The following PTPRN2 variants were observed in gnomAD, a reference collection of about 807,000 sequenced individuals.
PTPRN2 encodes protein tyrosine phosphatase receptor type N2, also known as receptor-type tyrosine-protein phosphatase N2.
Under a neutral mutation model 118.8 loss-of-function variants are expected in PTPRN2, and 74 were observed. That is an observed-to-expected ratio of 0.62 (90% CI 0.52 to 0.76). The LOEUF (loss-of-function observed/expected upper bound fraction) is 0.76, where lower values mean the gene tolerates loss of function less well. PTPRN2 is among the 30% of genes least tolerant of loss of function. PTPRN2 has a pLI of 0.00. For synonymous variants in PTPRN2, 641 were observed against 608.0 expected (o/e 1.05, Z -0.80); for missense variants, 1,481 against 1,394.4 (o/e 1.06, Z -0.99).
intron 12 of PTPRN2, among the ~76,000 whole-genome samples, chr7:157,692,483 TATG>T (rs537642491): frequency 6.6e-6 from 1 of 152,224 alleles, no homozygotes; most frequent in African/African-American, 2.4e-5. Flanking sequence ...TGTCCACAGA[TATG>T]AGTACGGTGC....
intron 12 of PTPRN2, chr7:157,857,424 C>G (rs915493671): frequency 3.9e-5 from 6 of 152,222 alleles, no homozygotes; most frequent in African/African-American, 1.4e-4. Context: ...CTCTGCGCTC[C>G]TCTCTCTCCG....
chr7:157,914,158 T>G (rs568296125), intron 11 of PTPRN2, among the ~76,000 whole-genome samples: 1 of 152,358 alleles, frequency 6.6e-6, no homozygotes, highest in South Asian at 2.1e-4. Flanking sequence ...CCTCCTCTCT[T>G]TTTTAAAATC....
intron 11 of PTPRN2, among the ~76,000 whole-genome samples, chr7:158,044,553 C>T (rs931447696): frequency 3.9e-5 from 6 of 152,120 alleles, no homozygotes; most frequent in African/African-American, 1.4e-4. Context: ...GCCTCTGGCT[C>T]TCAGGCAGGC....
At position 157,893,311 on chromosome 7, in the gene PTPRN2, G is replaced by A. The variant is rs865838540; in HGVS notation, c.1788+5362C>T. On this transcript the variant is annotated intron_variant, in intron 12 of 22. Coordinates refer to ENST00000389418, the MANE Select transcript of PTPRN2 (RefSeq NM_002847.5). The surrounding 1 kb of genome is among the most constrained non-coding windows in gnomAD (Gnocchi z 4.0). Reference sequence around the variant, plus strand: ...GGGCCAGAGAGGACACAGGTTGGATGTGGATGGAAGCAGAGGTGTGGTGCT... The same window carrying A: ...GGGCCAGAGAGGACACAGGTTGGATATGGATGGAAGCAGAGGTGTGGTGCT... 1.4e-4 allele frequency among the ~76,000 whole-genome samples: 21 copies of A among 152,340 alleles called. No homozygotes were observed. The highest frequency in any genetic ancestry group is 6.2e-4 in the South Asian group (3 of 4,830).
chr7:158,355,676 C>T (rs950512477), intron 2 of PTPRN2, among the ~76,000 whole-genome samples: 3 of 152,226 alleles, frequency 2.0e-5, no homozygotes, highest in Admixed American at 6.5e-5. Context: ...ATTTGCTGGA[C>T]TCTGCAGAAC....
Position 157,978,286 on chromosome 7 carries a change from C to T in PTPRN2, c.1724-79549G>A, listed in dbSNP as rs1040228608. ...CGTGTGGTGCTGCCGCCATCTCCGC[C>T]GTCAGGAGTGGCTTTGCAAAGACGT... On this transcript the variant is annotated intron_variant, in intron 11 of 22. Transcript: ENST00000389418. Among the ~76,000 whole-genome samples the T allele has an allele frequency of 2.0e-5, 3 of 151,970 alleles. No homozygotes were observed. The South Asian group carries it at 6.2e-4, about 32-fold the overall frequency.
intron 1 of PTPRN2, among the ~76,000 whole-genome samples, chr7:158,585,573 G>A (rs1313292562): frequency 6.6e-6 from 1 of 152,216 alleles, no homozygotes; most frequent in African/African-American, 2.4e-5. Flanking sequence ...TTTGCTGGTA[G>A]CCAAAATAAC....
intron 2 of PTPRN2, among the ~76,000 whole-genome samples, chr7:158,439,133 T>C (rs559364681): frequency 2.6e-5 from 4 of 152,344 alleles, no homozygotes; most frequent in African/African-American, 9.6e-5. Flanking sequence ...CATCCCGCCT[T>C]ACTGGACTGA....
intron 2 of PTPRN2, among the ~76,000 whole-genome samples, chr7:158,471,002 T>C (rs1819811442): frequency 6.6e-6 from 1 of 152,114 alleles, no homozygotes. Context: ...CCCGACTAAT[T>C]CTGTATTTTT....
rs1486136325 is a variant in PTPRN2, at chr7:158,489,791, G to T, written c.113-6C>A. On this transcript the variant is annotated splice_region_variant and splice_polypyrimidine_tract_variant and intron_variant, in intron 1 of 22. Coordinates refer to ENST00000389418, the MANE Select transcript of PTPRN2 (RefSeq NM_002847.5). ...GCCCTCCTCGAGCAGGCAGCCTGCG[G>T]GGAAACAGAGAAGAGACGCGGTCAG... 5.1e-6 allele frequency: 8 copies of T among 1,570,182 alleles called. No individual in the cohort carries two copies. The Admixed American group carries it at 1.1e-4, about 22-fold the overall frequency.
chr7:157,650,177 A>C (rs747427606), intron 14 of PTPRN2, among the ~76,000 whole-genome samples: 8 of 152,068 alleles, frequency 5.3e-5, no homozygotes, highest in Non-Finnish European at 1.0e-4. Flanking sequence ...TGCTGGTTTA[A>C]TGCCGTCTCT....
chr7:158,424,484 A>C (rs1260016160), intron 2 of PTPRN2, among the ~76,000 whole-genome samples: 1 of 152,172 alleles, frequency 6.6e-6, no homozygotes, highest in Non-Finnish European at 1.5e-5. Flanking sequence ...ACCGGAGATG[A>C]ATATTAGTGA....
intron 2 of PTPRN2, among the ~76,000 whole-genome samples, chr7:158,484,669 A>AT (rs1241401732): frequency 6.6e-6 from 1 of 152,118 alleles, no homozygotes; most frequent in African/African-American, 2.4e-5. Context: ...CCTCCTGGAC[A>AT]TTTTGTATAA....
intron 11 of PTPRN2, among the ~76,000 whole-genome samples, chr7:158,079,097 C>T (rs2128928915): frequency 6.6e-6 from 1 of 152,336 alleles, no homozygotes; most frequent in East Asian, 1.9e-4. Context: ...CCCACCTTGG[C>T]CTCCTAAAAT....
chr7:158,196,663 C>T (rs780376171), intron 4 of PTPRN2, among the ~76,000 whole-genome samples: 27 of 152,200 alleles, frequency 1.8e-4, no homozygotes, highest in Admixed American at 2.0e-4. Context: ...TGTAGCTCCC[C>T]GGGCACCCCT....
Position 158,133,534 on chromosome 7 carries a change from TCCAGGGATGCCTGCAC to T in PTPRN2, c.1556+127_1556+142del. ...CCTGGCTGCCCTCCGCGCCTGAGACTCCAGGGATGCCTGCACCCCATTATTCAGTTGAAGACACTTA... is the reference window on the plus strand; with the variant it reads ...CCTGGCTGCCCTCCGCGCCTGAGACTCCCATTATTCAGTTGAAGACACTTA... On this transcript the variant is annotated intron_variant, in intron 9 of 22. Transcript: ENST00000389418. The T allele has an allele frequency of 3.3e-6, 4 of 1,219,960 alleles. No individual in the cohort carries two copies. The South Asian group carries it at 7.3e-5, about 22-fold the overall frequency. 75.6% of individuals were successfully genotyped at this position (1,219,960 alleles called of 1,614,324 possible). A position where few individuals can be genotyped will look rare whatever the true frequency, so the allele number is the denominator to read the frequency against.
Position 157,869,836 on chromosome 7 carries a change from C to G in PTPRN2, c.1788+28837G>C, listed in dbSNP as rs190149716. The stretch of plus-strand genomic sequence containing the variant: ...AGTTTTTATAACTTTCTCAAAACAC[C>G]CACATAATAAGCAGATGTTATTTTT... On this transcript the variant is annotated intron_variant, in intron 12 of 22. Transcript: ENST00000389418. The surrounding 1 kb of genome is among the most constrained non-coding windows in gnomAD (Gnocchi z 4.2). 1.3e-3 allele frequency among the ~76,000 whole-genome samples: 199 copies of G among 152,276 alleles called. No individual in the cohort carries two copies. The highest frequency in any genetic ancestry group is 7.9e-3 in the South Asian group (38 of 4,822).
At chr7:158,081,497 G>C (rs150079539) in intron 10 of PTPRN2, 120 bp from the exon 11 acceptor site, 12 of 909,934 alleles carry the variant, frequency 1.3e-5, no homozygotes, top group Non-Finnish European at 2.1e-5. Flanking sequence ...GGCCGCTGTG[G>C]CTCCAGGCGT....
chr7:157,961,630 T>C (rs1801545542), intron 11 of PTPRN2, among the ~76,000 whole-genome samples: 2 of 152,222 alleles, frequency 1.3e-5, no homozygotes, highest in African/African-American at 4.8e-5. Flanking sequence ...GTCTCAGCAT[T>C]AAAGCATCCA....
Sources: allele counts gnomAD v4.1 joint callset (sites outside exome capture counted in the v4.1 genomes callset), GRCh38; gene constraint gnomAD v4.1.1; non-coding constraint Gnocchi (gnomAD v3.1); transcripts MANE v1.5; gene names NCBI Gene and HGNC (gene_info 2026-07-23, HGNC 2026-07-21).